The following CCDC138 variants were observed in gnomAD, a reference collection of about 807,000 sequenced individuals.
CCDC138 encodes the protein coiled-coil domain-containing protein 138.
Under a neutral mutation model 82.3 loss-of-function variants are expected in CCDC138, and 66 were observed. The observed-to-expected ratio is 0.80, with a 90% CI of 0.66 to 0.98. The LOEUF (loss-of-function observed/expected upper bound fraction) is 0.98, where lower values mean the gene tolerates loss of function less well. Among genes scored for constraint, CCDC138 ranks in the 50% least tolerant of loss-of-function variants. CCDC138 has a pLI of 0.00. For synonymous variants in CCDC138, 297 were observed against 265.4 expected (o/e 1.12, Z -1.16); for missense variants, 816 against 758.9 (o/e 1.08, Z -0.88).
exon 3 of CCDC138, chr2:108,885,471 AAAGT>A (rs1462563549): frequency 4.6e-5 from 7 of 152,262 alleles, no homozygotes; most frequent in African/African-American, 7.2e-5. Context: ...ATAAAATTGA[AAAGT>A]AAGTACTGTA....
chr2:108,807,111 C>G (rs1338809613), intron 7 of CCDC138, among the ~76,000 whole-genome samples: 1 of 152,004 alleles, frequency 6.6e-6, no homozygotes, highest in Non-Finnish European at 1.5e-5. Context: ...GACAGAATTG[C>G]ATAACTGAGA....
intron 10 of CCDC138, among the ~76,000 whole-genome samples, chr2:108,824,467 C>T (rs1001786003): frequency 5.3e-5 from 8 of 152,186 alleles, no homozygotes; most frequent in Admixed American, 5.2e-4. Flanking sequence ...GTGTCTTCCA[C>T]CTCTACATTT....
chr2:108,880,717 C>T (rs1696267488), downstream of CCDC138, among the ~76,000 whole-genome samples: 1 of 152,160 alleles, frequency 6.6e-6, no homozygotes, highest in African/African-American at 2.4e-5. Flanking sequence ...TTCCTGAATA[C>T]TTTAAGCCTG....
intron 13 of CCDC138, among the ~76,000 whole-genome samples, chr2:108,858,278 A>G (rs956519343): frequency 3.9e-5 from 6 of 152,166 alleles, no homozygotes; most frequent in African/African-American, 1.2e-4. Context: ...CAGGAGGTGG[A>G]GGTTGCAGTG....
chr2:108,799,051 G>A (rs554456107), intron 6 of CCDC138, among the ~76,000 whole-genome samples: 2 of 152,086 alleles, frequency 1.3e-5, no homozygotes, highest in African/African-American at 4.8e-5. Flanking sequence ...TTGTTTGTGG[G>A]GCGGGGGGGT....
chr2:108,811,039 C>T (rs550702828), intron 7 of CCDC138, among the ~76,000 whole-genome samples: 2 of 151,762 alleles, frequency 1.3e-5, no homozygotes, highest in South Asian at 4.2e-4. Context: ...TGTAATGTCT[C>T]CCTTTTTGTT....
chr2:108,855,933 G>A (rs1054057506), intron 12 of CCDC138, among the ~76,000 whole-genome samples: 1 of 152,106 alleles, frequency 6.6e-6, no homozygotes, highest in African/African-American at 2.4e-5. Context: ...TTATTACTTG[G>A]ATAGCATGAA....
intron 9 of CCDC138, among the ~76,000 whole-genome samples, chr2:108,815,469 T>G (rs1295722471): frequency 7.3e-6 from 1 of 136,786 alleles, no homozygotes; most frequent in South Asian, 2.4e-4. Flanking sequence ...GTGTTTTTTT[T>G]TTTTTTTTTT....
At position 108,861,772 on chromosome 2, in the gene CCDC138, C is replaced by T. The variant is rs112074852; in HGVS notation, c.1693+4802C>T. On this transcript the variant is annotated intron_variant, in intron 13 of 14. Transcript: ENST00000295124. ...CTGGGATTACAGGCGTGAGCCACCG[C>T]GCCCGGCCTAAACCTCGGCCTCCCA... 1.7e-3 allele frequency among the ~76,000 whole-genome samples: 256 copies of T among 151,870 alleles called. 2 individuals carry two copies. The highest frequency in any genetic ancestry group is 3.4e-3 in the African/African-American group (142 of 41,412).
intron 9 of CCDC138, among the ~76,000 whole-genome samples, chr2:108,813,147 G>A (rs1284572046): frequency 6.7e-6 from 1 of 150,146 alleles, no homozygotes; most frequent in East Asian, 2.0e-4. Context: ...TACTCGAGAG[G>A]CTGAGGCAGG....
At chr2:108,814,818 T>C (rs1455328977) in intron 9 of CCDC138, among the ~76,000 whole-genome samples, 3 of 151,936 alleles carry the variant, frequency 2.0e-5, no homozygotes, top group Non-Finnish European at 2.9e-5. Context: ...ATATTTTTAG[T>C]AGAGACAGCG....
At chr2:108,802,973 A>G (rs1682194742) in intron 6 of CCDC138, among the ~76,000 whole-genome samples, 1 of 152,176 alleles carries the variant, frequency 6.6e-6, no homozygotes. Flanking sequence ...CATCCCAGGG[A>G]TGAAGCCCAC....
At chr2:108,854,679 C>A (rs1692311673) in intron 12 of CCDC138, among the ~76,000 whole-genome samples, 1 of 152,118 alleles carries the variant, frequency 6.6e-6, no homozygotes, top group Admixed American at 6.6e-5. Flanking sequence ...AATTTGGGCT[C>A]AGCTCATCTG....
At chr2:108,865,161 A>T (rs911647714) in intron 13 of CCDC138, among the ~76,000 whole-genome samples, 3 of 152,104 alleles carry the variant, frequency 2.0e-5, no homozygotes, top group Admixed American at 1.3e-4. Context: ...GATATATATT[A>T]TGATCAGCAT....
At chr2:108,789,064 AC>A in intron 3 of CCDC138, 98 bp downstream of exon 3, 1 of 1,274,340 alleles carries the variant, frequency 7.8e-7, no homozygotes, top group South Asian at 1.3e-5. Flanking sequence ...TTTCCTGAGG[AC>A]AAGTATGAGG....
chr2:108,846,439 G>A (rs975585493), intron 11 of CCDC138, among the ~76,000 whole-genome samples: 19 of 151,982 alleles, frequency 1.3e-4, no homozygotes, highest in South Asian at 8.3e-4. Flanking sequence ...AGCATTTTGG[G>A]AGGTCAAGGT....
intron 13 of CCDC138, among the ~76,000 whole-genome samples, chr2:108,860,498 G>A (rs1220516487): frequency 2.0e-5 from 3 of 151,186 alleles, no homozygotes; most frequent in Non-Finnish European, 4.4e-5. Context: ...TTATTTCAAT[G>A]CCTAGGTTGT....
chr2:108,826,854 A>G (rs149295206), intron 10 of CCDC138, among the ~76,000 whole-genome samples: 7 of 152,292 alleles, frequency 4.6e-5, no homozygotes, highest in South Asian at 2.1e-4. Flanking sequence ...TCTTAACAAC[A>G]TTGTCTGCTA....
At chr2:108,787,987 A>T (rs745442016) in intron 1 of CCDC138, 45 bp from the exon 2 acceptor site, 1 of 1,403,464 alleles carries the variant, frequency 7.1e-7, no homozygotes, top group Non-Finnish European at 9.7e-7. Flanking sequence ...GAGACAGTAA[A>T]TTGATTTTTA....
Sources: allele counts gnomAD v4.1 joint callset (sites outside exome capture counted in the v4.1 genomes callset), GRCh38; gene constraint gnomAD v4.1.1; transcripts MANE v1.5; gene names NCBI Gene and HGNC (gene_info 2026-07-23, HGNC 2026-07-21).